ATF3: variants seen among roughly 807,000 people sequenced by gnomAD.
ATF3 encodes activating transcription factor 3.
A neutral mutation model predicts 18.4 loss-of-function variants in ATF3; 10 were observed. The observed-to-expected ratio is 0.54, with a 90% CI of 0.34 to 0.92. The LOEUF (loss-of-function observed/expected upper bound fraction) is 0.92, where lower values mean the gene tolerates loss of function less well. Among genes scored for constraint, ATF3 ranks in the 40% least tolerant of loss-of-function variants. The probability of loss-of-function intolerance (pLI) is 0.02; values close to 1 mark genes in which losing one functional copy is unlikely to be tolerated. For missense variants in ATF3, 183 were observed against 222.3 expected (o/e 0.82, Z 1.12); for synonymous variants, 78 against 87.9 (o/e 0.89, Z 0.63).
At chr1:212,604,855 C>T (rs932402652), upstream of ATF3, among the ~76,000 whole-genome samples, 2 of 152,158 alleles carry the variant, frequency 1.3e-5, no homozygotes, top group Non-Finnish European at 2.9e-5. Flanking sequence ...GCTCCTAGCC[C>T]AGGATACTTG....
intron 1 of ATF3, among the ~76,000 whole-genome samples, chr1:212,600,693 A>G (rs1654456449): frequency 6.6e-6 from 1 of 152,228 alleles, no homozygotes; most frequent in Non-Finnish European, 1.5e-5. Context: ...TCCTGGGCAG[A>G]GCCGTCCTGC....
intron 1 of ATF3, among the ~76,000 whole-genome samples, chr1:212,602,883 C>T (rs1387409239): frequency 1.3e-5 from 2 of 152,180 alleles, no homozygotes; most frequent in South Asian, 4.1e-4. Flanking sequence ...CTTAGAAATC[C>T]TTGCATGACT....
At chr1:212,576,086 C>A (rs1292239959) in intron 1 of ATF3, among the ~76,000 whole-genome samples, 2 of 152,048 alleles carry the variant, frequency 1.3e-5, no homozygotes, top group East Asian at 3.8e-4. Context: ...ATGTTTGGGC[C>A]TGATGTCTTT....
intron 1 of ATF3, among the ~76,000 whole-genome samples, chr1:212,571,038 C>A (rs976933886): frequency 6.6e-6 from 1 of 152,098 alleles, no homozygotes; most frequent in Non-Finnish European, 1.5e-5. Context: ...AAGAAACTAC[C>A]AGCCTTTTCT....
rs1338471810 is a variant in ATF3, at chr1:212,615,350, G to T, written c.240+89G>T. The T allele has an allele frequency of 4.7e-6, 7 of 1,493,094 alleles. No individual in the cohort carries two copies. The South Asian group carries it at 7.5e-5, about 16-fold the overall frequency. 92.5% of individuals were successfully genotyped at this position (1,493,094 alleles called of 1,614,324 possible). On this transcript the variant is annotated intron_variant, in intron 2 of 3. Transcript: ENST00000341491. ...GGCATGTTCTAGGCAGGGGGCTGTTGTTGAGAGTGAAACAAACAAAACCAC... is the reference window on the plus strand; with the variant it reads ...GGCATGTTCTAGGCAGGGGGCTGTTTTTGAGAGTGAAACAAACAAAACCAC...
Position 212,619,086 on chromosome 1 carries a change from C to G in ATF3, c.349-272C>G. ...TGGGTCCAGAAGACCTGCATATGGG[C>G]TGTTGACTCATGCAAATGAGGTATC... On this transcript the variant is annotated intron_variant, in intron 3 of 3. Coordinates refer to ENST00000341491, the MANE Select transcript of ATF3 (RefSeq NM_001674.4). The surrounding 1 kb of genome is among the most constrained non-coding windows in gnomAD (Gnocchi z 4.4). 6.2e-7 allele frequency: 1 copy of G among 1,614,172 alleles called. No homozygotes were observed. Among genetic ancestry groups the G allele is most frequent in the South Asian group, 1.1e-5 (1 of 91,078 alleles).
chr1:212,606,811 G>A (rs750296099), upstream of ATF3, among the ~76,000 whole-genome samples: 7 of 152,172 alleles, frequency 4.6e-5, no homozygotes, highest in Admixed American at 1.3e-4. Flanking sequence ...ACCTAATCCC[G>A]CCCGGTGTCC....
At chr1:212,585,280 C>T (rs867157289) in intron 1 of ATF3, among the ~76,000 whole-genome samples, 1 of 152,228 alleles carries the variant, frequency 6.6e-6, no homozygotes, top group Non-Finnish European at 1.5e-5. Flanking sequence ...CTGTCGACCT[C>T]TCCAGACTCA....
At chr1:212,602,948 A>G (rs1654522114) in intron 1 of ATF3, among the ~76,000 whole-genome samples, 1 of 152,200 alleles carries the variant, frequency 6.6e-6, no homozygotes, top group Admixed American at 6.5e-5. Flanking sequence ...TATTTTAAGG[A>G]TTTTTTATTT....
At chr1:212,585,386 T>A (rs1265595858) in intron 1 of ATF3, among the ~76,000 whole-genome samples, 2 of 152,222 alleles carry the variant, frequency 1.3e-5, no homozygotes, top group Non-Finnish European at 2.9e-5. Context: ...GGACCTTGGC[T>A]GGTGCTGTTG....
At chr1:212,617,436 T>C (rs1034456866) in intron 2 of ATF3, among the ~76,000 whole-genome samples, 1 of 152,218 alleles carries the variant, frequency 6.6e-6, no homozygotes, top group Non-Finnish European at 1.5e-5. Flanking sequence ...AGTGGAAGTG[T>C]TTCAGGCTTA....
intron 1 of ATF3, among the ~76,000 whole-genome samples, chr1:212,580,279 G>T (rs952625112): frequency 9.9e-5 from 15 of 152,204 alleles, no homozygotes; most frequent in African/African-American, 3.1e-4. Flanking sequence ...AGCTCTATTG[G>T]GAGGAAGAAT....
At chr1:212,587,154 C>T (rs1032825462) in intron 1 of ATF3, among the ~76,000 whole-genome samples, 2 of 152,050 alleles carry the variant, frequency 1.3e-5, no homozygotes, top group Admixed American at 1.3e-4. Flanking sequence ...ACAATGGAAG[C>T]TAAAAAATAG....
At chr1:212,609,710 C>T (rs1450857086) in intron 1 of ATF3, among the ~76,000 whole-genome samples, 3 of 152,364 alleles carry the variant, frequency 2.0e-5, no homozygotes, top group African/African-American at 7.2e-5. Context: ...TTTCCTTCGG[C>T]GGGTCCGCGG....
chr1:212,574,805 T>C (rs3125289), intron 1 of ATF3, among the ~76,000 whole-genome samples: 77,094 of 151,936 alleles, frequency 0.51, 19,526 homozygotes, highest in Admixed American at 0.55. Flanking sequence ...AGAGCTTCCT[T>C]GTGTATATAG....
intron 1 of ATF3, among the ~76,000 whole-genome samples, chr1:212,593,437 TA>T (rs538588708): frequency 0.07 from 10,068 of 144,290 alleles, 1,079 homozygotes; most frequent in African/African-American, 0.23. Flanking sequence ...ACTTAAAGTA[TA>T]AAAAAAAAAA....
chr1:212,591,687 G>A (rs138738926), intron 1 of ATF3, among the ~76,000 whole-genome samples: 47 of 152,236 alleles, frequency 3.1e-4, no homozygotes, highest in Admixed American at 5.2e-4. Context: ...ATTTGCAAAC[G>A]TACACATATA....
At chr1:212,606,975 A>G (rs2102645565), upstream of ATF3, among the ~76,000 whole-genome samples, 1 of 151,926 alleles carries the variant, frequency 6.6e-6, no homozygotes, top group South Asian at 2.1e-4. Flanking sequence ...TAAAGCGAAA[A>G]CACCCGCCCT....
intron 1 of ATF3, among the ~76,000 whole-genome samples, chr1:212,594,763 A>G (rs1168775059): frequency 1.3e-5 from 2 of 152,226 alleles, no homozygotes; most frequent in East Asian, 1.9e-4. Flanking sequence ...TGGGAGATGC[A>G]GAGGAGCTAA....
Sources: allele counts gnomAD v4.1 joint callset (sites outside exome capture counted in the v4.1 genomes callset), GRCh38; gene constraint gnomAD v4.1.1; non-coding constraint Gnocchi (gnomAD v3.1); transcripts MANE v1.5; gene names NCBI Gene and HGNC (gene_info 2026-07-23, HGNC 2026-07-21).